NRXN1: variants seen among roughly 807,000 people sequenced by gnomAD.
NRXN1 encodes neurexin-1.
A neutral mutation model predicts 150.9 loss-of-function variants in NRXN1; 39 were observed. The observed-to-expected ratio is 0.26, with a 90% CI of 0.20 to 0.34. The LOEUF is 0.34. Among genes scored for constraint, NRXN1 ranks in the 10% least tolerant of loss-of-function variants. The pLI, the probability that NRXN1 is intolerant of heterozygous loss-of-function variation, is 1.00. For missense variants in NRXN1, 1,815 were observed against 1,949.9 expected, an observed-to-expected ratio of 0.93 and a Z score of 1.30; for synonymous variants, 924 against 757.0, an observed-to-expected ratio of 1.22 and a Z score of -3.62.
At chr2:49,942,570 C>G (rs6745765) in intron 22 of NRXN1, among the ~76,000 whole-genome samples, 33,837 of 151,204 alleles carry the variant, frequency 0.22, 4,095 homozygotes, top group East Asian at 0.31. Flanking sequence ...CCACCTCACT[C>G]ATTTTGTTAA....
intron 15 of NRXN1, among the ~76,000 whole-genome samples, chr2:50,485,999 T>G (rs949008879): frequency 9.9e-5 from 15 of 152,238 alleles, no homozygotes; most frequent in Non-Finnish European, 2.2e-4. Flanking sequence ...TGGTTTGTAA[T>G]TTTAATGAAT....
chr2:50,476,155 CA>C (rs2089971113), intron 15 of NRXN1, among the ~76,000 whole-genome samples: 2 of 151,972 alleles, frequency 1.3e-5, no homozygotes, highest in African/African-American at 2.4e-5. Context: ...TGTACAATAC[CA>C]AAAACTCAAA....
At chr2:50,137,838 C>G (rs1346657856) in intron 18 of NRXN1, among the ~76,000 whole-genome samples, 1 of 152,138 alleles carries the variant, frequency 6.6e-6, no homozygotes, top group Non-Finnish European at 1.5e-5. Context: ...TGTTGTACTT[C>G]TTGTTTATAG....
chr2:50,868,953 G>C (rs971151016), intron 5 of NRXN1, among the ~76,000 whole-genome samples: 11 of 151,724 alleles, frequency 7.3e-5, no homozygotes, highest in Admixed American at 2.6e-4. Flanking sequence ...TGCCAACTTG[G>C]AGATTTTAAA....
chr2:50,431,182 C>T (rs1202193303), intron 17 of NRXN1, among the ~76,000 whole-genome samples: 2 of 152,244 alleles, frequency 1.3e-5, no homozygotes, highest in Middle Eastern at 3.4e-3. Flanking sequence ...CTTTGTCTAC[C>T]CACTGGCTTC....
chr2:50,618,089 G>T (rs1323443721), intron 8 of NRXN1, among the ~76,000 whole-genome samples: 1 of 152,026 alleles, frequency 6.6e-6, no homozygotes, highest in Admixed American at 6.6e-5. Flanking sequence ...AATCTAAGCA[G>T]GATTACTCTT....
intron 18 of NRXN1, among the ~76,000 whole-genome samples, chr2:50,190,221 A>G (rs186867864): frequency 6.6e-6 from 1 of 152,188 alleles, no homozygotes; most frequent in Non-Finnish European, 1.5e-5. Flanking sequence ...CATTTTCCTT[A>G]AAAGAGTAAG....
intron 5 of NRXN1, among the ~76,000 whole-genome samples, chr2:50,666,807 A>G (rs1688086883): frequency 6.6e-6 from 1 of 151,722 alleles, no homozygotes; most frequent in East Asian, 1.9e-4. Flanking sequence ...GGTAGACAGT[A>G]TACATTAGTT....
rs150310372 is a variant in NRXN1, at chr2:50,107,520, C to CATAT, written c.3547-16030_3547-16027dup. On this transcript the variant is annotated intron_variant, in intron 18 of 22. Transcript: ENST00000401669. ...TTGTCACATGCTACATTCCAGACTA[C>CATAT]ATATATATATATATATATATTTTTT... Among the ~76,000 whole-genome samples, 332 of 136,060 alleles carry CATAT rather than the reference C, an allele frequency of 2.4e-3. 3 individuals are homozygous for CATAT. Among genetic ancestry groups the CATAT allele is most frequent in the African/African-American group, 8.7e-3 (312 of 35,860 alleles). The allele number at this position is 136,060 out of a possible 152,430, so 89.3% of individuals were successfully genotyped here. A position where few individuals can be genotyped will look rare whatever the true frequency, so the allele number is the denominator to read the frequency against.
intron 3 of NRXN1, 135 bp downstream of exon 3, chr2:50,925,803 A>G: frequency 1.4e-6 from 1 of 696,094 alleles, no homozygotes; most frequent in South Asian, 1.7e-5. Context: ...CTGTATGAAA[A>G]GTGATACACA....
In NRXN1 at chr2:50,294,881, A is replaced by G. The variant is rs145765993; in HGVS notation, c.3365-57911T>C. Among the ~76,000 whole-genome samples the G allele has an allele frequency of 1.5e-3, 232 of 152,344 alleles. 1 individual carries two copies. The highest frequency in any genetic ancestry group is 5.3e-3 in the African/African-American group (222 of 41,586). On this transcript the variant is annotated intron_variant, in intron 17 of 22. Transcript: ENST00000401669. Reference sequence around the variant, plus strand: ...GAAAGTTTAAATTACAAGTCTGTCCAGGTAAAACCTTATCCCTATCAGTCG... The same window carrying G: ...GAAAGTTTAAATTACAAGTCTGTCCGGGTAAAACCTTATCCCTATCAGTCG...
At chr2:50,048,095 C>A (rs1477487201) in intron 21 of NRXN1, among the ~76,000 whole-genome samples, 2 of 151,926 alleles carry the variant, frequency 1.3e-5, no homozygotes, top group Non-Finnish European at 2.9e-5. Flanking sequence ...TTTTTCTTGC[C>A]AGTAATGAGA....
chr2:50,257,687 T>C (rs867759642), intron 17 of NRXN1, among the ~76,000 whole-genome samples: 7 of 151,946 alleles, frequency 4.6e-5, no homozygotes, highest in Admixed American at 6.6e-5. Flanking sequence ...AATGGGAAGT[T>C]GGATAATAAA....
intron 5 of NRXN1, among the ~76,000 whole-genome samples, chr2:50,678,875 G>T (rs1013985224): frequency 6.6e-6 from 1 of 152,050 alleles, no homozygotes; most frequent in Non-Finnish European, 1.5e-5. Flanking sequence ...TATTTTACTG[G>T]TTTTAGACCC....
intron 18 of NRXN1, among the ~76,000 whole-genome samples, chr2:50,133,673 G>C (rs182899900): frequency 1.3e-5 from 2 of 152,116 alleles, no homozygotes; most frequent in African/African-American, 4.8e-5. Flanking sequence ...GCTTGGCCAG[G>C]TAAAGGCAAG....
At chr2:50,846,794 C>G (rs1470386732) in intron 5 of NRXN1, among the ~76,000 whole-genome samples, 1 of 152,088 alleles carries the variant, frequency 6.6e-6, no homozygotes, top group Non-Finnish European at 1.5e-5. Context: ...GGTTCATGGC[C>G]AAGCCCCTAT....
chr2:50,764,693 G>C (rs892079413), intron 5 of NRXN1, among the ~76,000 whole-genome samples: 10 of 151,940 alleles, frequency 6.6e-5, no homozygotes, highest in African/African-American at 2.4e-4. Flanking sequence ...CACAGACAGA[G>C]AGATTATGAC....
intron 17 of NRXN1, among the ~76,000 whole-genome samples, chr2:50,344,667 G>C (rs1044020566): frequency 6.6e-6 from 1 of 152,068 alleles, no homozygotes; most frequent in Non-Finnish European, 1.5e-5. Context: ...GTTTGTAAAG[G>C]CCAGCAGACG....
chr2:50,375,105 T>C (rs922249263), intron 17 of NRXN1, among the ~76,000 whole-genome samples: 2 of 152,178 alleles, frequency 1.3e-5, no homozygotes, highest in Non-Finnish European at 1.5e-5. Flanking sequence ...ATATTTTCTA[T>C]ATATACACTT....
Sources: gnomAD v4.1 joint callset for allele counts (sites outside exome capture counted in the v4.1 genomes callset) on GRCh38, gnomAD v4.1.1 for gene constraint, MANE v1.5 for transcripts, NCBI Gene and HGNC (gene_info 2026-07-23, HGNC 2026-07-21) for gene names.